PPM1K: variants seen among roughly 807,000 people sequenced by gnomAD.
The protein encoded by PPM1K is protein phosphatase, Mg2+/Mn2+ dependent 1K.
A neutral mutation model predicts 32.6 loss-of-function variants in PPM1K; 19 were observed. That is an observed-to-expected ratio of 0.58 (90% confidence interval 0.41 to 0.86). The LOEUF is 0.86. Ranked by LOEUF, PPM1K falls within the 40% of genes least tolerant of loss-of-function variation. The pLI is 0.00. For missense variants in PPM1K, 362 were observed against 461.2 expected, an observed-to-expected ratio of 0.78 and a Z score of 1.97; for synonymous variants, 159 against 165.3, an observed-to-expected ratio of 0.96 and a Z score of 0.29.
chr4:88,277,290 G>C, intron 2 of PPM1K, 47 bp from the exon 3 acceptor site: 1 of 1,293,926 alleles, frequency 7.7e-7, no homozygotes, highest in Non-Finnish European at 1.1e-6. Context: ...TTTTACAATA[G>C]GTTTTTCTCC....
At chr4:88,279,899 G>C in intron 1 of PPM1K, among the ~76,000 whole-genome samples, 1 of 152,278 alleles carries the variant, frequency 6.6e-6, no homozygotes. Flanking sequence ...TTGAAAAAAT[G>C]TATCTTTCCA....
At position 88,261,447 on chromosome 4, in the gene PPM1K, G is replaced by T. The variant is rs954723452; in HGVS notation, c.*1148C>A. ...TACTATATGCAAAACACAAAATAGC[G>T]TTAGAGATAACAAATGAGAACTTCA... On this transcript the variant is annotated 3_prime_UTR_variant, in exon 7 of 7. Coordinates refer to ENST00000608933, the MANE Select transcript of PPM1K (RefSeq NM_152542.5). The T allele has an allele frequency of 6.6e-6, 1 of 152,114 alleles. No homozygotes were observed. Among genetic ancestry groups the T allele is most frequent in the East Asian group, 1.9e-4 (1 of 5,196 alleles). 9.4% of individuals were successfully genotyped at this position (152,114 alleles called of 1,614,324 possible). A position where few individuals can be genotyped will look rare whatever the true frequency, so the allele number is the denominator to read the frequency against.
chr4:88,264,870 A>G, intron 6 of PPM1K, 131 bp downstream of exon 6: 2 of 999,254 alleles, frequency 2.0e-6, no homozygotes, highest in Admixed American at 5.5e-5. Context: ...GGGAAATAAA[A>G]ATTTTATAAT....
intron 5 of PPM1K, among the ~76,000 whole-genome samples, chr4:88,265,579 T>C (rs1403244636): frequency 6.6e-6 from 1 of 152,238 alleles, no homozygotes; most frequent in Non-Finnish European, 1.5e-5. Context: ...GTCTCAAGTA[T>C]ATCTTTATTA....
At chr4:88,270,246 C>T (rs969545297) in intron 3 of PPM1K, among the ~76,000 whole-genome samples, 12 of 152,002 alleles carry the variant, frequency 7.9e-5, no homozygotes, top group Non-Finnish European at 1.6e-4. Flanking sequence ...TATTAAAATG[C>T]CTGCTTTAAT....
At chr4:88,275,141 G>C (rs1026751939) in intron 3 of PPM1K, 1 of 538,992 alleles carries the variant, frequency 1.9e-6, no homozygotes, top group Admixed American at 6.4e-5. Context: ...ATATGATAGA[G>C]GAATTAAATT....
chr4:88,262,750 G>A, intron 6 of PPM1K, 24 bp from the exon 7 acceptor site: 2 of 1,583,386 alleles, frequency 1.3e-6, no homozygotes, highest in Non-Finnish European at 1.7e-6. Flanking sequence ...CAGGAAGAAA[G>A]AGAAAAACAT....
intron 5 of PPM1K, among the ~76,000 whole-genome samples, chr4:88,265,854 A>AT (rs1731280764): frequency 6.6e-6 from 1 of 152,254 alleles, no homozygotes; most frequent in South Asian, 2.1e-4. Context: ...CAAAGGGAGA[A>AT]TCCAGATAGC....
At chr4:88,269,962 T>C (rs1731490101) in intron 3 of PPM1K, among the ~76,000 whole-genome samples, 1 of 152,202 alleles carries the variant, frequency 6.6e-6, no homozygotes, top group Non-Finnish European at 1.5e-5. Flanking sequence ...TGTGAAATTA[T>C]GGGCTAAAAA....
intron 2 of PPM1K, chr4:88,277,942 G>A (rs1731847942): frequency 3.4e-6 from 2 of 596,358 alleles, no homozygotes; most frequent in East Asian, 2.8e-5. Flanking sequence ...CTTTCCCCAG[G>A]GGAGTTGTTA....
chr4:88,278,306 T>G lies in PPM1K; in HGVS notation c.278A>C (p.Glu93Ala). The G allele has an allele frequency of 6.2e-7, 1 of 1,614,224 alleles. No individual in the cohort carries two copies. Among genetic ancestry groups the G allele is most frequent in the Non-Finnish European group, 8.5e-7 (1 of 1,180,050 alleles). Residue 93 changes from glutamate to alanine, a missense_variant, in exon 2 of 7, where the codon GAA becomes GCA. By Grantham distance (107) the Glu-to-Ala change is moderately radical (BLOSUM62 -1). Coordinates refer to ENST00000608933, the MANE Select transcript of PPM1K (RefSeq NM_152542.5). This position sits in a 1 kb window ranked among gnomAD's most constrained non-coding sequence, Gnocchi z 4.2. ...AATCTGTGAGGCGCACCCCACATTT[T>G]CCAAGCTGATTTTGGGAATTGGCTT... ...YGKPIPKISLENVGCASQIGK... is the reference protein window; with the variant it reads ...YGKPIPKISLANVGCASQIGK...
rs371481361 is a variant in PPM1K, at chr4:88,268,791, G to A, written c.657C>T (p.Pro219=). Residue 219 remains proline (P), a synonymous_variant, in exon 4 of 7, where the codon CCC becomes CCT. Transcript: ENST00000608933. ...GAGTATGGTCAATGGTCAGCTTCATGGGTTTTCCTTTTCTACACAAAATAG... is the reference window on the plus strand; with the variant it reads ...GAGTATGGTCAATGGTCAGCTTCATAGGTTTTCCTTTTCTACACAAAATAG... ...SRAILCRKGK[P]MKLTIDHTPE... 1.5e-5 allele frequency: 25 copies of A among 1,613,852 alleles called. No individual in the cohort carries two copies. Among genetic ancestry groups the A allele is most frequent in the Non-Finnish European group, 2.1e-5 (25 of 1,179,942 alleles).
chr4:88,265,167 A>C (rs548631319), intron 5 of PPM1K, 32 bp from the exon 6 acceptor site: 1 of 1,613,202 alleles, frequency 6.2e-7, no homozygotes, highest in East Asian at 2.2e-5. Context: ...TATGATTATA[A>C]GCTAGACTCT....
rs767683502 is a variant in PPM1K at position 88,277,249 on chromosome 4, TG to T, written c.441-7del. 3.0e-5 allele frequency: 48 copies of T among 1,599,632 alleles called. No homozygotes were observed. The African/African-American group carries it at 5.0e-4, about 17-fold the overall frequency. On this transcript the variant is annotated splice_polypyrimidine_tract_variant and splice_region_variant and intron_variant, in intron 2 of 6. Coordinates refer to ENST00000608933, the MANE Select transcript of PPM1K (RefSeq NM_152542.5). ...TCTCCTTAGGAAGCAAATCCCTTTG[TG>T]GGGAGGAAAAAAAGAGCCTTAAACA... is the stretch of plus-strand genomic sequence containing the variant.
chr4:88,264,953 C>A, intron 6 of PPM1K, 48 bp downstream of exon 6: 2 of 1,584,580 alleles, frequency 1.3e-6, no homozygotes, highest in Admixed American at 3.4e-5. Flanking sequence ...CTGGACTGTC[C>A]TTTCCTTCCT....
chr4:88,279,569 GA>G, intron 1 of PPM1K: 1 of 151,814 alleles, frequency 6.6e-6, no homozygotes, highest in East Asian at 2.0e-4. Flanking sequence ...AACGACACTT[GA>G]GACTACACTT....
chr4:88,276,372 G>C, intron 3 of PPM1K: 1 of 985,310 alleles, frequency 1.0e-6, no homozygotes, highest in Non-Finnish European at 1.2e-6. Context: ...ACATTCATTT[G>C]GCTGGTACAG....
Position 88,278,597 on chromosome 4 carries a change from A to AG in PPM1K, c.-15dup. The AG allele has an allele frequency of 6.3e-7, 1 of 1,585,974 alleles. No individual in the cohort carries two copies. The highest frequency in any genetic ancestry group is 1.7e-4 in the Middle Eastern group (1 of 5,902). On this transcript the variant is annotated 5_prime_UTR_variant, in exon 2 of 7. Transcript: ENST00000608933. The surrounding 1 kb of genome is among the most constrained non-coding windows in gnomAD (Gnocchi z 4.2). The stretch of plus-strand genomic sequence containing the variant: ...AGCTGTTGACATAACTCAGCTCCAA[A>AG]GGACTCAGTGATGAGGGAAAGGTCA...
At chr4:88,281,348 T>A (rs1012549116) in intron 1 of PPM1K, among the ~76,000 whole-genome samples, 5 of 152,222 alleles carry the variant, frequency 3.3e-5, no homozygotes, top group African/African-American at 1.2e-4. Context: ...CTTGCCGTTT[T>A]ATCTCCTCTT....
Sources: gnomAD v4.1 joint callset for allele counts (sites outside exome capture counted in the v4.1 genomes callset) on GRCh38, gnomAD v4.1.1 for gene constraint, Gnocchi (gnomAD v3.1) non-coding constraint, MANE v1.5 for transcripts, NCBI Gene and HGNC (gene_info 2026-07-23, HGNC 2026-07-21) for gene names.